The following PDGFD variants were observed in gnomAD, a reference collection of about 807,000 sequenced individuals.
PDGFD encodes platelet-derived growth factor D.
In PDGFD, 30 loss-of-function variants were observed where a neutral mutation model predicts 44.7. The observed-to-expected ratio is 0.67, with a 90% CI of 0.50 to 0.91. The LOEUF (loss-of-function observed/expected upper bound fraction) is 0.91, where lower values mean the gene tolerates loss of function less well. PDGFD is among the 40% of genes least tolerant of loss of function. The pLI, the probability that PDGFD is intolerant of heterozygous loss-of-function variation, is 0.00. For synonymous variants in PDGFD, 173 were observed against 168.4 expected (o/e 1.03, Z -0.21); for missense variants, 445 against 457.8 (o/e 0.97, Z 0.25).
chr11:104,036,482 T>A (rs1261957187), intron 1 of PDGFD: 5 of 285,978 alleles, frequency 1.7e-5, no homozygotes, highest in Non-Finnish European at 3.3e-5. Flanking sequence ...TCATATCATG[T>A]GTTAAATAGG....
chr11:103,948,995 C>CTT (rs10606695), intron 3 of PDGFD, among the ~76,000 whole-genome samples: 99 of 77,034 alleles, frequency 1.3e-3, no homozygotes, highest in Non-Finnish European at 1.8e-3. Flanking sequence ...ATTTTAGTCA[C>CTT]TTTTTTTTTT....
chr11:104,083,818 A>G (rs1426073194), intron 1 of PDGFD, among the ~76,000 whole-genome samples: 1 of 152,230 alleles, frequency 6.6e-6, no homozygotes, highest in Non-Finnish European at 1.5e-5. Flanking sequence ...GAGAAGAATG[A>G]GTGTAAAATA....
intron 3 of PDGFD, among the ~76,000 whole-genome samples, chr11:103,973,174 T>TGTC (rs1463565980): frequency 6.7e-6 from 1 of 150,122 alleles, no homozygotes; most frequent in Non-Finnish European, 1.5e-5. Context: ...AGTCTCACTC[T>TGTC]GTCACCCAGG....
chr11:104,020,274 T>A (rs1859929813), intron 1 of PDGFD, among the ~76,000 whole-genome samples: 1 of 151,694 alleles, frequency 6.6e-6, no homozygotes. Flanking sequence ...ATTTCATTAA[T>A]TTTTTTTTCT....
intron 3 of PDGFD, among the ~76,000 whole-genome samples, chr11:103,975,309 A>T (rs1054122412): frequency 6.6e-6 from 1 of 152,124 alleles, no homozygotes. Flanking sequence ...GTGTCTGTTC[A>T]TATCATTGCC....
chr11:104,115,312 T>C (rs1447594515), intron 1 of PDGFD, among the ~76,000 whole-genome samples: 1 of 149,872 alleles, frequency 6.7e-6, no homozygotes, highest in Non-Finnish European at 1.5e-5. Flanking sequence ...TATGATGGAA[T>C]ACTACTATAT....
intron 1 of PDGFD, among the ~76,000 whole-genome samples, chr11:104,150,496 C>A (rs549211067): frequency 6.6e-6 from 1 of 152,120 alleles, no homozygotes; most frequent in Non-Finnish European, 1.5e-5. Context: ...TTTCCTGTAG[C>A]GGCTGTAACA....
chr11:103,949,894 C>T (rs765462409), intron 3 of PDGFD, among the ~76,000 whole-genome samples: 3 of 151,948 alleles, frequency 2.0e-5, no homozygotes, highest in East Asian at 1.9e-4. Flanking sequence ...TTGCAGAAAA[C>T]GCGGGTAGAA....
intron 1 of PDGFD, among the ~76,000 whole-genome samples, chr11:104,061,657 T>C (rs574649425): frequency 6.6e-6 from 1 of 152,326 alleles, no homozygotes; most frequent in South Asian, 2.1e-4. Context: ...TTATCCAGGC[T>C]GGAGTGCAGT....
intron 3 of PDGFD, among the ~76,000 whole-genome samples, chr11:103,954,351 C>A (rs921321420): frequency 3.9e-5 from 6 of 152,100 alleles, no homozygotes; most frequent in Non-Finnish European, 7.4e-5. Context: ...GCTAGAGACT[C>A]TTGTCCTTTA....
chr11:104,021,163 G>T (rs1859945109), intron 1 of PDGFD, among the ~76,000 whole-genome samples: 1 of 152,154 alleles, frequency 6.6e-6, no homozygotes. Context: ...CATCTGAGCT[G>T]CAGTGGTCTA....
At chr11:104,108,896 T>C (rs1861506728) in intron 1 of PDGFD, among the ~76,000 whole-genome samples, 1 of 152,106 alleles carries the variant, frequency 6.6e-6, no homozygotes, top group Non-Finnish European at 1.5e-5. Context: ...TTCATGTCCT[T>C]TGTAGGGACA....
chr11:104,036,882 G>C (rs527864184), intron 1 of PDGFD: 5 of 1,614,156 alleles, frequency 3.1e-6, no homozygotes, highest in East Asian at 4.5e-5. Flanking sequence ...TCTCTCTCCA[G>C]GTCAGCCCCG....
At chr11:103,933,106 G>A (rs964737686) in intron 5 of PDGFD, among the ~76,000 whole-genome samples, 2 of 152,166 alleles carry the variant, frequency 1.3e-5, no homozygotes, top group Admixed American at 6.6e-5. Flanking sequence ...TTGTCAAATG[G>A]GAGACAGTGC....
chr11:104,078,039 T>TTATG (rs1385000290), intron 1 of PDGFD, among the ~76,000 whole-genome samples: 3 of 152,166 alleles, frequency 2.0e-5, no homozygotes, highest in East Asian at 1.9e-4. Context: ...ATGCCACTGG[T>TTATG]CCTCAGCGGC....
At chr11:104,136,505 G>A (rs1862006572) in intron 1 of PDGFD, among the ~76,000 whole-genome samples, 6 of 152,116 alleles carry the variant, frequency 3.9e-5, no homozygotes. Context: ...AAACTCTTCT[G>A]GGGATTGGGA....
At chr11:103,938,369 T>C (rs1858527458) in intron 5 of PDGFD, among the ~76,000 whole-genome samples, 1 of 152,238 alleles carries the variant, frequency 6.6e-6, no homozygotes, top group South Asian at 2.1e-4. Flanking sequence ...GAAGTGTCTG[T>C]TCATATCCTT....
chr11:104,119,309 G>GATATGATATATAATATATT (rs1565340767), intron 1 of PDGFD, among the ~76,000 whole-genome samples: 1 of 15,864 alleles, frequency 6.3e-5, no homozygotes, highest in African/African-American at 2.2e-4. Context: ...ATAATATATT[G>GATATGATATATAATATATT]ATATAATATA....
At chr11:103,925,118 T>A (rs547235394) in intron 6 of PDGFD, among the ~76,000 whole-genome samples, 1 of 152,372 alleles carries the variant, frequency 6.6e-6, no homozygotes, top group East Asian at 1.9e-4. Flanking sequence ...TCCGTGTCTC[T>A]GCAAAGGACG....
Sources: allele counts gnomAD v4.1 joint callset (sites outside exome capture counted in the v4.1 genomes callset), GRCh38; gene constraint gnomAD v4.1.1; transcripts MANE v1.5; gene names NCBI Gene and HGNC (gene_info 2026-07-23, HGNC 2026-07-21).